IGF2BP3: variants seen among roughly 807,000 people sequenced by gnomAD.
The protein encoded by IGF2BP3 is insulin like growth factor 2 mRNA binding protein 3.
Under a neutral mutation model 73.8 loss-of-function variants are expected in IGF2BP3, and 9 were observed. That is an observed-to-expected ratio of 0.12 (90% CI 0.07 to 0.21). IGF2BP3 has a LOEUF of 0.21. Among genes scored for constraint, IGF2BP3 ranks in the 10% least tolerant of loss-of-function variants. The pLI, the probability that IGF2BP3 is intolerant of heterozygous loss-of-function variation, is 1.00. For missense variants in IGF2BP3, 542 were observed against 714.0 expected, an observed-to-expected ratio of 0.76 and a Z score of 2.75; for synonymous variants, 258 against 256.7, an observed-to-expected ratio of 1.01 and a Z score of -0.05.
At chr7:23,336,988 C>A (rs1784590480) in intron 10 of IGF2BP3, among the ~76,000 whole-genome samples, 1 of 151,640 alleles carries the variant, frequency 6.6e-6, no homozygotes, top group Non-Finnish European at 1.5e-5. Context: ...AGCAAAGAAA[C>A]TGGTAAAGCT....
Position 23,453,126 on chromosome 7 carries a change from TCAAA to T in IGF2BP3, c.236+15352_236+15355del, listed in dbSNP as rs539440564. Among the ~76,000 whole-genome samples the T allele has an allele frequency of 3.1e-3, 479 of 152,274 alleles. 2 individuals carry two copies. The highest frequency in any genetic ancestry group is 0.011 in the African/African-American group (440 of 41,550). On this transcript the variant is annotated intron_variant, in intron 2 of 14. Coordinates refer to ENST00000258729, the MANE Select transcript of IGF2BP3 (RefSeq NM_006547.3). Reference sequence around the variant, plus strand: ...CTGGGTGACAGAGCGAGACTCCGTCTCAAACAAACAAACAAACAAAATACAAATA... The same window carrying T: ...CTGGGTGACAGAGCGAGACTCCGTCTCAAACAAACAAACAAAATACAAATA...
intron 3 of IGF2BP3, among the ~76,000 whole-genome samples, chr7:23,384,799 G>A (rs1786030545): frequency 6.6e-6 from 1 of 152,196 alleles, no homozygotes; most frequent in Non-Finnish European, 1.5e-5. Flanking sequence ...GGTGAGGTGG[G>A]AGGATCACTT....
intron 10 of IGF2BP3, among the ~76,000 whole-genome samples, chr7:23,332,983 A>C (rs1784480224): frequency 6.6e-6 from 1 of 152,262 alleles, no homozygotes; most frequent in Non-Finnish European, 1.5e-5. Context: ...TCAATGGTCA[A>C]ACTAAACCTA....
At chr7:23,404,245 A>G (rs1562730817) in intron 3 of IGF2BP3, among the ~76,000 whole-genome samples, 1 of 152,216 alleles carries the variant, frequency 6.6e-6, no homozygotes, top group Non-Finnish European at 1.5e-5. Flanking sequence ...AGAGTACTAA[A>G]GAGAAGGAAA....
chr7:23,436,546 T>C (rs149756998), intron 2 of IGF2BP3, among the ~76,000 whole-genome samples: 1 of 152,344 alleles, frequency 6.6e-6, no homozygotes, highest in African/African-American at 2.4e-5. Context: ...GACACAAATG[T>C]TAAATTCCAT....
At chr7:23,312,635 GCATCAAACA>G (rs1395230998) in intron 14 of IGF2BP3, 91 bp downstream of exon 14, 1 of 962,988 alleles carries the variant, frequency 1.0e-6, no homozygotes, top group East Asian at 2.5e-5. Context: ...AAAGTCTTAA[GCATCAAACA>G]ACCTTAACTA....
At chr7:23,421,127 A>G (rs923545739) in intron 2 of IGF2BP3, among the ~76,000 whole-genome samples, 4 of 152,030 alleles carry the variant, frequency 2.6e-5, no homozygotes, top group Non-Finnish European at 4.4e-5. Context: ...CTCCCACCTC[A>G]GCCTCCTGCG....
rs1252701659 is a variant in IGF2BP3 at position 23,469,468 on chromosome 7, TC to T, written c.175+467del. 2.6e-5 allele frequency: 4 copies of T among 152,382 alleles called. No individual in the cohort carries two copies. The highest frequency in any genetic ancestry group is 6.5e-5 in the Admixed American group (1 of 15,304). 9.4% of individuals were successfully genotyped at this position (152,382 alleles called of 1,614,324 possible). ...CTCGCGGTCTCACTCGGCAGCACGG[TC>T]GAGGCCACTTTCCGTTCTCCACGGC... On this transcript the variant is annotated intron_variant, in intron 1 of 14. Transcript: ENST00000258729. This position sits in a 1 kb window ranked among gnomAD's most constrained non-coding sequence, Gnocchi z 6.1.
intron 3 of IGF2BP3, among the ~76,000 whole-genome samples, chr7:23,409,579 G>A (rs1420159823): frequency 6.6e-6 from 1 of 152,176 alleles, no homozygotes; most frequent in African/African-American, 2.4e-5. Flanking sequence ...TCCAGAAACA[G>A]ACCCACACAA....
intron 5 of IGF2BP3, among the ~76,000 whole-genome samples, chr7:23,360,683 G>C (rs1785202953): frequency 6.6e-6 from 1 of 152,158 alleles, no homozygotes; most frequent in South Asian, 2.1e-4. Context: ...TACTCTTGCA[G>C]CTCGTTTTAC....
At chr7:23,375,698 C>A (rs6461708) in intron 3 of IGF2BP3, among the ~76,000 whole-genome samples, 41,594 of 152,058 alleles carry the variant, frequency 0.27, 8,984 homozygotes, top group African/African-American at 0.6. Context: ...TAAATGTCCA[C>A]GATTGTATGG....
intron 2 of IGF2BP3, among the ~76,000 whole-genome samples, chr7:23,454,970 C>G (rs1788281988): frequency 6.6e-6 from 1 of 152,140 alleles, no homozygotes; most frequent in African/African-American, 2.4e-5. Flanking sequence ...GCCTTAATTA[C>G]CCTGTCAGAG....
At chr7:23,454,389 C>T (rs1039960530) in intron 2 of IGF2BP3, among the ~76,000 whole-genome samples, 6 of 152,082 alleles carry the variant, frequency 3.9e-5, no homozygotes, top group African/African-American at 1.2e-4. Flanking sequence ...AAATGTGAAA[C>T]ACTCCTATGT....
At chr7:23,426,340 A>AGG (rs1194336292) in intron 2 of IGF2BP3, among the ~76,000 whole-genome samples, 22 of 114,710 alleles carry the variant, frequency 1.9e-4, no homozygotes, top group African/African-American at 6.4e-4. Flanking sequence ...AAAAAAAAAA[A>AGG]GGGGGGTGGG....
rs766062357 is a variant in IGF2BP3 at position 23,319,160 on chromosome 7, C to T, written c.1298G>A (p.Arg433His). 5.0e-6 allele frequency: 8 copies of T among 1,613,270 alleles called. No individual in the cohort carries two copies. The highest frequency in any genetic ancestry group is 2.2e-5 in the East Asian group (1 of 44,860). Residue 433 changes from arginine to histidine, a missense_variant, in exon 11 of 15, where the codon CGC becomes CAC. Arg to His is a conservative substitution (Grantham distance 29). Coordinates refer to ENST00000258729, the MANE Select transcript of IGF2BP3 (RefSeq NM_006547.3). ...TACCTTAATTGAAGCTCCAGCAAAG[C>T]GAGAAAGCTGCTTGATGTGCTGGCC... is the stretch of plus-strand genomic sequence containing the variant. ...KQGQHIKQLSRFAGASIKIAP... is the reference protein window; with the variant it reads ...KQGQHIKQLSHFAGASIKIAP...
chr7:23,407,194 A>G (rs533367940), intron 3 of IGF2BP3, among the ~76,000 whole-genome samples: 5 of 151,762 alleles, frequency 3.3e-5, no homozygotes, highest in Middle Eastern at 3.4e-3. Flanking sequence ...AAAAAAAAAA[A>G]AAGAAAAAAA....
In IGF2BP3 at chr7:23,348,670, C is replaced by T. The variant is rs191733228; in HGVS notation, c.684-936G>A. ...TAGGAAATTTACTAACTTCCCTGGCCTGTACCTACTAGATGCTAGTAGCAT... is the reference window on the plus strand; with the variant it reads ...TAGGAAATTTACTAACTTCCCTGGCTTGTACCTACTAGATGCTAGTAGCAT... On this transcript the variant is annotated intron_variant, in intron 6 of 14. Transcript: ENST00000258729. Among the ~76,000 whole-genome samples the T allele has an allele frequency of 5.9e-5, 9 of 152,234 alleles. No homozygotes were observed. The East Asian group carries it at 1.5e-3, about 26-fold the overall frequency.
intron 3 of IGF2BP3, among the ~76,000 whole-genome samples, chr7:23,366,729 C>T (rs1461877402): frequency 2.0e-5 from 3 of 152,052 alleles, no homozygotes; most frequent in Non-Finnish European, 4.4e-5. Context: ...CTCAAAGTTT[C>T]ATGTACAAGG....
At chr7:23,392,455 C>T (rs1041754316) in intron 3 of IGF2BP3, among the ~76,000 whole-genome samples, 3 of 144,734 alleles carry the variant, frequency 2.1e-5, no homozygotes, top group Admixed American at 6.9e-5. Context: ...TATATATACA[C>T]ACACACACAT....
Sources: allele counts gnomAD v4.1 joint callset (sites outside exome capture counted in the v4.1 genomes callset), GRCh38; gene constraint gnomAD v4.1.1; non-coding constraint Gnocchi (gnomAD v3.1); transcripts MANE v1.5; gene names NCBI Gene and HGNC (gene_info 2026-07-23, HGNC 2026-07-21).